ACTG2: variants seen among roughly 807,000 people sequenced by gnomAD.
The protein encoded by ACTG2 is actin gamma 2, smooth muscle, also known as actin, gamma-enteric smooth muscle.
A neutral mutation model predicts 37.6 loss-of-function variants in ACTG2; 16 were observed. The ratio of observed to expected loss-of-function variants is 0.43; its 90% CI spans 0.29 to 0.65. ACTG2 has a LOEUF of 0.65. ACTG2 is among the 30% of genes least tolerant of loss of function. ACTG2 has a pLI of 0.18. For synonymous variants in ACTG2, 181 were observed against 179.9 expected (o/e 1.01, Z -0.05); for missense variants, 238 against 490.9 (o/e 0.48, Z 4.87).
At chr2:73,904,979 T>TA (rs1679988515) in intron 3 of ACTG2, among the ~76,000 whole-genome samples, 2 of 151,616 alleles carry the variant, frequency 1.3e-5, no homozygotes, top group Non-Finnish European at 2.9e-5. Context: ...TGAATTTTTT[T>TA]AATTATGAAG....
chr2:73,903,801 A>G (rs1296746384), intron 3 of ACTG2, among the ~76,000 whole-genome samples: 2 of 151,978 alleles, frequency 1.3e-5, no homozygotes, highest in South Asian at 2.1e-4. Context: ...TTAGCTGGAC[A>G]TGGTGGCGGG....
chr2:73,917,612 C>G (rs1302591721), intron 8 of ACTG2, among the ~76,000 whole-genome samples: 1 of 152,232 alleles, frequency 6.6e-6, no homozygotes, highest in Non-Finnish European at 1.5e-5. Flanking sequence ...TTGAAAGTTA[C>G]AAAGTCTCAC....
intron 3 of ACTG2, chr2:73,902,929 T>C: frequency 1.4e-6 from 1 of 710,050 alleles, no homozygotes; most frequent in East Asian, 2.8e-5. Context: ...TCACCCCTTC[T>C]TTAAAATGCT....
chr2:73,918,225 G>A (rs1680312002), intron 8 of ACTG2, among the ~76,000 whole-genome samples: 1 of 152,142 alleles, frequency 6.6e-6, no homozygotes, highest in Non-Finnish European at 1.5e-5. Flanking sequence ...GGGGAACTGG[G>A]GGAGATGAGG....
chr2:73,904,769 GTGTGTGTGTATATATA>G (rs1312478304), intron 3 of ACTG2, among the ~76,000 whole-genome samples: 170 of 36,358 alleles, frequency 4.7e-3, no homozygotes, highest in Admixed American at 0.013. Context: ...GTGTGTGTGT[GTGTGTGTGTATATATA>G]TATATATATA....
At chr2:73,902,815 T>C (rs1679921413) in intron 3 of ACTG2, 1 of 1,517,524 alleles carries the variant, frequency 6.6e-7, no homozygotes, top group African/African-American at 1.4e-5. Flanking sequence ...TAGCTCTTCA[T>C]TAACCAACAG....
In ACTG2 at chr2:73,918,106, C is replaced by T. The variant is rs142309005; in HGVS notation, c.988-1326C>T. Among the ~76,000 whole-genome samples, 34 of 152,156 alleles carry T rather than the reference C, an allele frequency of 2.2e-4. No individual in the cohort carries two copies. The East Asian group carries it at 5.4e-3, about 24-fold the overall frequency. Reference sequence around the variant, plus strand: ...AATACCAGGACAATCTAAATAAAAGCGGAAGGGAAAGGACACTCTAAGCAG... The same window carrying T: ...AATACCAGGACAATCTAAATAAAAGTGGAAGGGAAAGGACACTCTAAGCAG... On this transcript the variant is annotated intron_variant, in intron 8 of 8. Coordinates refer to ENST00000345517, the MANE Select transcript of ACTG2 (RefSeq NM_001615.4).
At chr2:73,905,624 G>C (rs1253605758) in intron 3 of ACTG2, among the ~76,000 whole-genome samples, 2 of 152,106 alleles carry the variant, frequency 1.3e-5, no homozygotes, top group African/African-American at 2.4e-5. Context: ...TTAAGAGTGA[G>C]AGCACTGAAT....
At chr2:73,901,194 G>A in intron 1 of ACTG2, 82 bp from the exon 2 acceptor site, 3 of 1,178,116 alleles carry the variant, frequency 2.5e-6, no homozygotes, top group Non-Finnish European at 3.4e-6. Flanking sequence ...TTGCAGGTAG[G>A]GTCAGGCCCC....
rs1032426657 is a variant in ACTG2, at chr2:73,916,347, C to T, written c.806-237C>T. 4.7e-5 allele frequency among the ~76,000 whole-genome samples: 7 copies of T among 148,898 alleles called. 1 individual carries two copies. Among genetic ancestry groups the T allele is most frequent in the Admixed American group, 2.0e-4 (3 of 14,738 alleles). On this transcript the variant is annotated intron_variant, in intron 7 of 8. Coordinates refer to ENST00000345517, the MANE Select transcript of ACTG2 (RefSeq NM_001615.4). ...CTGAGATCGCGCCACTGCACTCCAG[C>T]CTGGTGACAGAGCAGACTCCATCTC...
At chr2:73,899,299 A>G (rs1679825403) in intron 1 of ACTG2, among the ~76,000 whole-genome samples, 1 of 152,084 alleles carries the variant, frequency 6.6e-6, no homozygotes, top group African/African-American at 2.4e-5. Context: ...CTGTTTCTAC[A>G]GAAAAAAATT....
chr2:73,901,519 T>C, intron 2 of ACTG2, 82 bp downstream of exon 2: 1 of 1,355,304 alleles, frequency 7.4e-7, no homozygotes, highest in Middle Eastern at 1.9e-4. Context: ...GAGCTGGGGG[T>C]TAGGGGAAGG....
intron 3 of ACTG2, among the ~76,000 whole-genome samples, chr2:73,906,483 A>AATAC (rs1553395548): frequency 2.3e-4 from 34 of 150,082 alleles, no homozygotes; most frequent in East Asian, 3.9e-4. Flanking sequence ...TAAATAAATA[A>AATAC]ATACATAAAA....
intron 5 of ACTG2, among the ~76,000 whole-genome samples, chr2:73,911,383 G>C (rs2104818514): frequency 6.6e-6 from 1 of 152,180 alleles, no homozygotes; most frequent in Admixed American, 6.5e-5. Flanking sequence ...TGTAGTCCCA[G>C]CTACTCGGTA....
chr2:73,898,841 T>G (rs374011825), intron 1 of ACTG2, among the ~76,000 whole-genome samples: 2 of 148,202 alleles, frequency 1.3e-5, no homozygotes, highest in Admixed American at 6.8e-5. Flanking sequence ...CTTGCTCTGT[T>G]GCCCAGGCTG....
chr2:73,919,660 T>G lies in ACTG2; in HGVS notation c.*85T>G. 2.5e-5 allele frequency: 37 copies of G among 1,464,902 alleles called. No homozygotes were observed. The highest frequency in any genetic ancestry group is 1.8e-4 in the Middle Eastern group (1 of 5,594). The allele number at this position is 1,464,902 out of a possible 1,614,324, so 90.7% of individuals were successfully genotyped here. A position where few individuals can be genotyped will look rare whatever the true frequency, so the allele number is the denominator to read the frequency against. ...TTAAAACCTACAAGCCTTACTTCTC[T>G]GTGTGGGGCTCTTTTTTCCTGGGCT... On this transcript the variant is annotated 3_prime_UTR_variant, in exon 9 of 9. Coordinates refer to ENST00000345517, the MANE Select transcript of ACTG2 (RefSeq NM_001615.4).
At chr2:73,895,837 TA>T (rs751285384) in intron 1 of ACTG2, among the ~76,000 whole-genome samples, 21 of 152,332 alleles carry the variant, frequency 1.4e-4, no homozygotes, top group Non-Finnish European at 2.4e-4. Context: ...GCCCGGATAG[TA>T]AATATTTTAG....
intron 5 of ACTG2, among the ~76,000 whole-genome samples, chr2:73,910,668 T>G (rs556280871): frequency 0.013 from 1,084 of 81,448 alleles, 11 homozygotes; most frequent in Non-Finnish European, 0.023. Context: ...CTGGCTTATT[T>G]TTGTCTTTAT....
intron 5 of ACTG2, among the ~76,000 whole-genome samples, chr2:73,909,638 G>A (rs1680087022): frequency 6.6e-6 from 1 of 152,168 alleles, no homozygotes; most frequent in African/African-American, 2.4e-5. Flanking sequence ...AGACAGTATA[G>A]CATTTAACTA....
Sources: gnomAD v4.1 joint callset for allele counts (sites outside exome capture counted in the v4.1 genomes callset) on GRCh38, gnomAD v4.1.1 for gene constraint, MANE v1.5 for transcripts, NCBI Gene and HGNC (gene_info 2026-07-23, HGNC 2026-07-21) for gene names.